Variants in SP2 observed in about 807,000 individuals in gnomAD.
SP2 encodes the protein transcription factor Sp2.
Under a neutral mutation model 50.1 loss-of-function variants are expected in SP2, and 9 were observed. The observed-to-expected ratio is 0.18, with a 90% CI of 0.11 to 0.31. The LOEUF is 0.31. Among genes scored for constraint, SP2 ranks in the 10% least tolerant of loss-of-function variants. The pLI is 1.00. For synonymous variants in SP2, 313 were observed against 326.6 expected, an observed-to-expected ratio of 0.96 and a Z score of 0.45; for missense variants, 581 against 806.5, an observed-to-expected ratio of 0.72 and a Z score of 3.39.
Position 47,925,337 on chromosome 17 carries a change from C to T in SP2, c.1548-11C>T, listed in dbSNP as rs1329744043. The T allele has an allele frequency of 2.5e-6, 4 of 1,608,940 alleles. No homozygotes were observed. The Admixed American group carries it at 5.0e-5, about 20-fold the overall frequency. On this transcript the variant is annotated splice_polypyrimidine_tract_variant and intron_variant, in intron 5 of 6. Transcript: ENST00000376741. ...CTATTCCCTCCACTCCACCCTCACC[C>T]CAATTCTCAGGTCTGGAGAGCAGGG...
At position 47,924,963 on chromosome 17, in the gene SP2, A is replaced by G. The variant is rs1243107692; in HGVS notation, c.1417A>G (p.Thr473Ala). The change falls in exon 5 of 7, where the codon ACC (threonine) becomes GCC (alanine). Residue 473 changes from threonine (T) to alanine (A), a missense_variant. This residue lies in a region of SP2 where 184 missense variants were observed against 315.5 expected (regional missense o/e 0.58). Coordinates refer to ENST00000376741, the MANE Select transcript of SP2 (RefSeq NM_003110.6). ...TVQNVSGNNL[T>A]ISGLSPTQIQ... ...GCAGAATGTTTCTGGGAACAACCTG[A>G]CCATCAGTGGGCTGAGCCCCACCCA... 2 of 1,613,098 alleles carry G rather than the reference A, an allele frequency of 1.2e-6. No individual in the cohort carries two copies. The highest frequency in any genetic ancestry group is 1.7e-6 in the Non-Finnish European group (2 of 1,179,250).
intron 3 of SP2, among the ~76,000 whole-genome samples, chr17:47,922,021 C>T (rs1055739672): frequency 5.9e-5 from 9 of 152,200 alleles, no homozygotes; most frequent in African/African-American, 2.2e-4. Context: ...TATATTGAAA[C>T]CCATGAGTTT....
At chr17:47,930,241 T>C (rs1253999852), downstream of SP2, among the ~76,000 whole-genome samples, 1 of 152,166 alleles carries the variant, frequency 6.6e-6, no homozygotes, top group Non-Finnish European at 1.5e-5. Flanking sequence ...CTTGCTGCAT[T>C]CTGAATAAGG....
At chr17:47,901,937 G>A (rs773035843) in intron 1 of SP2, among the ~76,000 whole-genome samples, 1 of 152,166 alleles carries the variant, frequency 6.6e-6, no homozygotes, top group Non-Finnish European at 1.5e-5. Context: ...AGAAGTCCCT[G>A]CCTTTAGGAA....
intron 3 of SP2, among the ~76,000 whole-genome samples, chr17:47,919,703 C>T (rs1369153306): frequency 3.9e-5 from 6 of 152,070 alleles, no homozygotes; most frequent in Non-Finnish European, 1.5e-5. Context: ...AATTCCAAGA[C>T]CCCACTGTGT....
intron 4 of SP2, among the ~76,000 whole-genome samples, chr17:47,924,599 A>G (rs969126302): frequency 5.3e-5 from 8 of 152,226 alleles, no homozygotes; most frequent in African/African-American, 1.7e-4. Flanking sequence ...TACATAGTAC[A>G]GTGGTTCAGG....
rs1377316893 is a variant in SP2 at position 47,896,309 on chromosome 17, TGCCGGCGGGGTCTTCCCGGCCCCC to T, written c.7+17_7+40del. 1.6e-6 allele frequency: 2 copies of T among 1,237,232 alleles called. No homozygotes were observed. Among genetic ancestry groups the T allele is most frequent in the East Asian group, 6.3e-5 (2 of 31,650 alleles). The allele number at this position is 1,237,232 out of a possible 1,614,324, so 76.6% of individuals were successfully genotyped here. A position where few individuals can be genotyped will look rare whatever the true frequency, so the allele number is the denominator to read the frequency against. ...GTAATGAGCGGTGGGTCCCGGCCGC[TGCCGGCGGGGTCTTCCCGGCCCCC>T]AAGGGTCAGGAAGACGGGCAGAGGC... On this transcript the variant is annotated intron_variant, in intron 1 of 6. Coordinates refer to ENST00000376741, the MANE Select transcript of SP2 (RefSeq NM_003110.6).
Position 47,916,311 on chromosome 17 carries a change from C to T in SP2, c.240C>T (p.Gly80=), listed in dbSNP as rs570173914. The change falls in exon 3 of 7, where the codon GGC becomes GGT. Residue 80 remains glycine, a synonymous_variant. Transcript: ENST00000376741. The surrounding 1 kb of genome is among the most constrained non-coding windows in gnomAD (Gnocchi z 4.7). The part of the protein sequence containing the change: ...IKPAPLPLSP[G]KNSFGILSSK... ...CTGCCCCTCTCCCTCTCAGCCCCGG[C>T]AAGAATAGCTTTGGAATCTTGTCCT... The T allele has an allele frequency of 1.3e-5, 21 of 1,614,090 alleles. No homozygotes were observed. In the South Asian group the frequency reaches 2.3e-4, roughly 18 times the overall value.
At position 47,927,814 on chromosome 17, in the gene SP2, A is replaced by C; in HGVS notation, c.1832A>C (p.Lys611Thr). The C allele has an allele frequency of 6.3e-7, 1 of 1,584,908 alleles. No homozygotes were observed. Among genetic ancestry groups the C allele is most frequent in the Non-Finnish European group, 8.6e-7 (1 of 1,162,992 alleles). ...TKHYKTHLVTKNL is the reference protein window; with the variant it reads ...TKHYKTHLVTTNL ...CATTACAAGACCCACCTGGTCACGA[A>C]GAACTTGTAAGGCCAACTGCGGCGG... is the stretch of plus-strand genomic sequence containing the variant. Residue 611 changes from lysine to threonine, a missense_variant, in exon 7 of 7, where the codon AAG (lysine) becomes ACG (threonine). Coordinates refer to ENST00000376741, the MANE Select transcript of SP2 (RefSeq NM_003110.6).
chr17:47,921,676 G>A (rs2144034354), intron 3 of SP2, among the ~76,000 whole-genome samples: 1 of 152,308 alleles, frequency 6.6e-6, no homozygotes, highest in South Asian at 2.1e-4. Context: ...CCACCATTCT[G>A]TAAGCATTTC....
intron 1 of SP2, among the ~76,000 whole-genome samples, chr17:47,901,965 A>G (rs1299459160): frequency 6.6e-6 from 1 of 152,204 alleles, no homozygotes; most frequent in Non-Finnish European, 1.5e-5. Context: ...TCTTAGTGGG[A>G]GACAATTAAT....
chr17:47,925,333 C>T lies in SP2; in HGVS notation c.1548-15C>T, dbSNP rs756803664. 3.1e-6 allele frequency: 5 copies of T among 1,606,432 alleles called. No homozygotes were observed. The highest frequency in any genetic ancestry group is 1.3e-5 in the African/African-American group (1 of 74,852). On this transcript the variant is annotated splice_polypyrimidine_tract_variant and intron_variant, in intron 5 of 6. Transcript: ENST00000376741. ...CTTCCTATTCCCTCCACTCCACCCT[C>T]ACCCCAATTCTCAGGTCTGGAGAGC...
At chr17:47,913,620 C>T (rs1469370256) in intron 1 of SP2, among the ~76,000 whole-genome samples, 2 of 152,098 alleles carry the variant, frequency 1.3e-5, no homozygotes, top group African/African-American at 4.8e-5. Flanking sequence ...GTTGCTTAGG[C>T]TGGTCTTGAA....
In SP2 at chr17:47,916,778, C is replaced by A. The variant is rs964991630; in HGVS notation, c.707C>A (p.Pro236His). The A allele has an allele frequency of 1.2e-6, 2 of 1,613,954 alleles. No individual in the cohort carries two copies. The highest frequency in any genetic ancestry group is 4.5e-5 in the East Asian group (2 of 44,882). Reference sequence around the variant, plus strand: ...CCTACTCAGCTCCTCACTGAAAGCCCCCCAACCCCGCTGTCTAAGACTAAC... The same window carrying A: ...CCTACTCAGCTCCTCACTGAAAGCCACCCAACCCCGCTGTCTAAGACTAAC... ...GAPTQLLTES[P>H]PTPLSKTNKK... The change falls in exon 3 of 7, where the codon CCC becomes CAC. Residue 236 changes from proline to histidine, a missense_variant. Physicochemically the swap from Pro to His is moderately conservative, Grantham distance 77 (BLOSUM62 -2). Coordinates refer to ENST00000376741, the MANE Select transcript of SP2 (RefSeq NM_003110.6). This position sits in a 1 kb window ranked among gnomAD's most constrained non-coding sequence, Gnocchi z 4.7.
At chr17:47,902,424 T>C (rs1189706635) in intron 1 of SP2, among the ~76,000 whole-genome samples, 1 of 152,152 alleles carries the variant, frequency 6.6e-6, no homozygotes, top group Non-Finnish European at 1.5e-5. Flanking sequence ...GTGATGGGTC[T>C]TACTCTGGAT....
chr17:47,923,088 G>C lies in SP2; in HGVS notation c.1186G>C (p.Gly396Arg), dbSNP rs1325703123. The change falls in exon 4 of 7, where the codon GGG becomes CGG. Residue 396 changes from glycine (G) to arginine (R), a missense_variant. Gly to Arg is a moderately radical substitution (Grantham distance 125, BLOSUM62 -2). Transcript: ENST00000376741. The stretch of plus-strand genomic sequence containing the variant: ...TGCATCCCGTGCTCCCCATCTGAGT[G>C]GGACCAGCAAAAAGCACTCAGCTGC... ...SPASRAPHLS[G>R]TSKKHSAAIL... is the part of the protein sequence containing the mutation. The C allele has an allele frequency of 6.2e-7, 1 of 1,614,094 alleles. No homozygotes were observed.
In SP2 at chr17:47,928,396, CCT is replaced by C. The variant is rs1450708911; in HGVS notation, c.*575_*576del. 1.3e-5 allele frequency: 2 copies of C among 150,100 alleles called. No homozygotes were observed. Among genetic ancestry groups the C allele is most frequent in the African/African-American group, 5.0e-5 (2 of 39,742 alleles). The allele number at this position is 150,100 out of a possible 1,614,324, so 9.3% of individuals were successfully genotyped here. On this transcript the variant is annotated 3_prime_UTR_variant, in exon 7 of 7. Transcript: ENST00000376741. ...AAGACACCCACCGACTCCTGATCCCCCTCTTTTTCTATGGAGAACGTTGCCTT... is the reference window on the plus strand; with the variant it reads ...AAGACACCCACCGACTCCTGATCCCCCTTTTTCTATGGAGAACGTTGCCTT...
At chr17:47,909,515 G>A (rs2034898009) in intron 1 of SP2, 1 of 157,272 alleles carries the variant, frequency 6.4e-6, no homozygotes, top group Non-Finnish European at 1.4e-5. Context: ...CCCTTCCAAA[G>A]TGCTGGGATT....
At chr17:47,924,809 C>A in intron 4 of SP2, 110 bp from the exon 5 acceptor site, 4 of 1,037,392 alleles carry the variant, frequency 3.9e-6, no homozygotes, top group Non-Finnish European at 5.6e-6. Context: ...AGCAGGCTCT[C>A]AAAAATAGCT....
Sources: gnomAD v4.1 joint callset for allele counts (sites outside exome capture counted in the v4.1 genomes callset) on GRCh38, gnomAD v4.1.1 for gene constraint, gnomAD v4.1.1 regional missense constraint, Gnocchi (gnomAD v3.1) non-coding constraint, MANE v1.5 for transcripts, NCBI Gene and HGNC (gene_info 2026-07-23, HGNC 2026-07-21) for gene names.